Variants in RNF121 observed in about 807,000 individuals in gnomAD.
RNF121 encodes E3 ubiquitin ligase RNF121.
A neutral mutation model predicts 46.5 loss-of-function variants in RNF121; 21 were observed. The observed-to-expected ratio is 0.45, with a 90% CI of 0.32 to 0.65. RNF121 has a LOEUF of 0.65. Among genes scored for constraint, RNF121 ranks in the 30% least tolerant of loss-of-function variants. The pLI, the probability that RNF121 is intolerant of heterozygous loss-of-function variation, is 0.04. For missense variants in RNF121, 346 were observed against 416.0 expected (o/e 0.83, Z 1.46); for synonymous variants, 139 against 144.7 (o/e 0.96, Z 0.28).
chr11:71,982,790 T>C lies in RNF121; in HGVS notation c.273T>C (p.Val91=). The change falls in exon 4 of 9, where the codon GTT becomes GTC. Residue 91 remains valine, a synonymous_variant. Transcript: ENST00000361756. ...NMVTLFQMWV[V]PLYFTVKLHW... The stretch of plus-strand genomic sequence containing the variant: ...TGACCCTCTTTCAGATGTGGGTTGT[T>C]CCCCTCTATTTCACAGTGAAGCTGC... 1 of 1,613,184 alleles carries C rather than the reference T, an allele frequency of 6.2e-7. No individual in the cohort carries two copies.
At chr11:71,971,940 G>T (rs1316175465) in intron 3 of RNF121, among the ~76,000 whole-genome samples, 1 of 152,188 alleles carries the variant, frequency 6.6e-6, no homozygotes, top group Non-Finnish European at 1.5e-5. Flanking sequence ...TCACTGAAGT[G>T]TTAATTATGG....
In RNF121 at chr11:71,970,825, TAC is replaced by T. The variant is rs539359188; in HGVS notation, c.243+9935_243+9936del. Among the ~76,000 whole-genome samples the T allele has an allele frequency of 6.6e-5, 10 of 152,276 alleles. No individual in the cohort carries two copies. The South Asian group carries it at 2.1e-3, about 32-fold the overall frequency. The stretch of plus-strand genomic sequence containing the variant: ...GAAAGCAACTACCAAGACAGGGACT[TAC>T]CTTGCCTTAAGACACACTATAAGAA... On this transcript the variant is annotated intron_variant, in intron 3 of 8. Coordinates refer to ENST00000361756, the MANE Select transcript of RNF121 (RefSeq NM_018320.5).
intron 1 of RNF121, among the ~76,000 whole-genome samples, chr11:71,932,916 A>T (rs551219468): frequency 7.9e-5 from 12 of 152,300 alleles, no homozygotes; most frequent in African/African-American, 2.6e-4. Context: ...AGGAGGGATG[A>T]TTAGCCTGTT....
intron 6 of RNF121, among the ~76,000 whole-genome samples, chr11:71,993,841 C>CT (rs531353613): frequency 0.014 from 1,844 of 136,084 alleles, 28 homozygotes; most frequent in African/African-American, 0.037. Context: ...GACACTTCCT[C>CT]TTTTTTTTTT....
chr11:71,980,502 A>G (rs892704056), intron 3 of RNF121, among the ~76,000 whole-genome samples: 2 of 152,148 alleles, frequency 1.3e-5, no homozygotes, highest in Non-Finnish European at 2.9e-5. Context: ...GCCCGCCACC[A>G]TGCCTGGCTA....
At chr11:71,980,871 T>C (rs567302888) in intron 3 of RNF121, among the ~76,000 whole-genome samples, 13 of 152,326 alleles carry the variant, frequency 8.5e-5, no homozygotes, top group African/African-American at 3.1e-4. Flanking sequence ...ATAATTTTAA[T>C]CTTGAATACA....
intron 1 of RNF121, among the ~76,000 whole-genome samples, chr11:71,951,116 C>T (rs950890665): frequency 2.7e-5 from 4 of 150,880 alleles, no homozygotes; most frequent in African/African-American, 4.9e-5. Flanking sequence ...CTCAACTACT[C>T]GGGACGCTGA....
At chr11:71,972,460 C>G (rs1159975783) in intron 3 of RNF121, among the ~76,000 whole-genome samples, 2 of 152,172 alleles carry the variant, frequency 1.3e-5, no homozygotes, top group Non-Finnish European at 2.9e-5. Flanking sequence ...TTGTCCTTCA[C>G]TAGTGCAGGT....
intron 6 of RNF121, among the ~76,000 whole-genome samples, chr11:71,994,129 C>T (rs542197075): frequency 1.3e-5 from 2 of 152,188 alleles, no homozygotes; most frequent in East Asian, 1.9e-4. Context: ...CGTCAGCCAC[C>T]GCGCCCAGCC....
chr11:71,935,121 CAG>C (rs1290677349), intron 1 of RNF121, among the ~76,000 whole-genome samples: 5 of 151,930 alleles, frequency 3.3e-5, no homozygotes, highest in Non-Finnish European at 7.4e-5. Context: ...TTTGTAGAGA[CAG>C]AGTTTCACCA....
At position 71,929,189 on chromosome 11, in the gene RNF121, C is replaced by T. The variant is rs1274157657; in HGVS notation, c.63+65C>T. On this transcript the variant is annotated intron_variant, in intron 1 of 8. Transcript: ENST00000361756. Reference sequence around the variant, plus strand: ...ACTGAGGGGAGGGGCAGTGAGGTATCGGGAGGTGGGGGTCTTAGGAGAGAA... The same window carrying T: ...ACTGAGGGGAGGGGCAGTGAGGTATTGGGAGGTGGGGGTCTTAGGAGAGAA... 9.9e-6 allele frequency: 15 copies of T among 1,515,152 alleles called. No individual in the cohort carries two copies. The East Asian group carries it at 1.8e-4, about 18-fold the overall frequency. 93.9% of individuals were successfully genotyped at this position (1,515,152 alleles called of 1,614,324 possible).
chr11:71,948,513 CAA>C (rs55762433), intron 1 of RNF121, among the ~76,000 whole-genome samples: 1,077 of 35,208 alleles, frequency 0.031, no homozygotes, highest in African/African-American at 0.099. Context: ...AAACTGTCTC[CAA>C]AAAAAAAAAA....
intron 3 of RNF121, 59 bp from the exon 4 acceptor site, chr11:71,982,702 T>C: frequency 1.3e-6 from 2 of 1,516,872 alleles, no homozygotes; most frequent in Non-Finnish European, 1.8e-6. Flanking sequence ...CATTTGGGAC[T>C]GTGGACAGAG....
intron 1 of RNF121, among the ~76,000 whole-genome samples, chr11:71,954,305 G>A (rs1953942238): frequency 6.6e-6 from 1 of 152,012 alleles, no homozygotes; most frequent in Admixed American, 6.6e-5. Flanking sequence ...AACCTTTTTG[G>A]TCAGGAGGCA....
intron 5 of RNF121, among the ~76,000 whole-genome samples, chr11:71,989,850 T>C (rs1954833522): frequency 6.6e-6 from 1 of 152,238 alleles, no homozygotes; most frequent in African/African-American, 2.4e-5. Flanking sequence ...TTACTAATTT[T>C]ATCTTTTTTT....
intron 1 of RNF121, among the ~76,000 whole-genome samples, chr11:71,956,331 A>G (rs182151618): frequency 3.9e-5 from 6 of 152,312 alleles, no homozygotes; most frequent in Admixed American, 3.3e-4. Flanking sequence ...ATGCTTCTGT[A>G]TGACTGCAAG....
At chr11:71,945,045 T>C (rs879754050) in intron 1 of RNF121, among the ~76,000 whole-genome samples, 3 of 152,100 alleles carry the variant, frequency 2.0e-5, no homozygotes, top group Non-Finnish European at 4.4e-5. Context: ...TGGAGTGCAG[T>C]GGTGTGATCA....
At chr11:71,946,647 G>GTT (rs547977600) in intron 1 of RNF121, among the ~76,000 whole-genome samples, 8 of 136,344 alleles carry the variant, frequency 5.9e-5, no homozygotes, top group Admixed American at 7.4e-5. Flanking sequence ...TGAGCATGAG[G>GTT]TTTTTTTTTT....
intron 3 of RNF121, among the ~76,000 whole-genome samples, chr11:71,966,138 GCA>G (rs2134183709): frequency 6.6e-6 from 1 of 152,310 alleles, no homozygotes; most frequent in African/African-American, 2.4e-5. Context: ...TCCTGCCTCA[GCA>G]TCCCGAGTAG....
Sources: gnomAD v4.1 joint callset for allele counts (sites outside exome capture counted in the v4.1 genomes callset) on GRCh38, gnomAD v4.1.1 for gene constraint, MANE v1.5 for transcripts, NCBI Gene and HGNC (gene_info 2026-07-23, HGNC 2026-07-21) for gene names.